The following STAT3 variants were observed in gnomAD, a reference collection of about 807,000 sequenced individuals.
STAT3 encodes the protein DNA-binding protein APRF.
A neutral mutation model predicts 114.3 loss-of-function variants in STAT3; 7 were observed. The observed-to-expected ratio is 0.06, with a 90% CI of 0.03 to 0.11. The LOEUF (loss-of-function observed/expected upper bound fraction) is 0.11. Ranked by LOEUF, STAT3 falls within the 10% of genes least tolerant of loss-of-function variation. The probability of loss-of-function intolerance (pLI) is 1.00; values close to 1 mark genes in which losing one functional copy is unlikely to be tolerated. For missense variants in STAT3, 364 were observed against 960.9 expected (o/e 0.38, Z 8.21); for synonymous variants, 331 against 354.5 (o/e 0.93, Z 0.74).
At position 42,333,222 on chromosome 17, in the gene STAT3, G is replaced by C. The variant is rs189088246; in HGVS notation, c.1049+451C>G. Among the ~76,000 whole-genome samples the C allele has an allele frequency of 6.5e-4, 99 of 152,086 alleles. No homozygotes were observed. Among genetic ancestry groups the C allele is most frequent in the Admixed American group, 3.5e-3 (53 of 15,254 alleles). ...GAGGAGGGAAATTTTGCTGCAGAAG[G>C]TCAAAACCCCAGCACACCTGTTCTG... On this transcript the variant is annotated intron_variant, in intron 10 of 23. Transcript: ENST00000264657. The surrounding 1 kb of genome is among the most constrained non-coding windows in gnomAD (Gnocchi z 5.2).
chr17:42,383,592 C>G (rs2084922069), intron 1 of STAT3, among the ~76,000 whole-genome samples: 1 of 152,198 alleles, frequency 6.6e-6, no homozygotes, highest in Non-Finnish European at 1.5e-5. Context: ...GCGCACTACA[C>G]TTTACGCTTA....
intron 1 of STAT3, among the ~76,000 whole-genome samples, chr17:42,358,278 A>C (rs1206275784): frequency 1.3e-5 from 2 of 151,992 alleles, no homozygotes; most frequent in African/African-American, 4.8e-5. Context: ...AAATTAGCCT[A>C]GCATGGTGGC....
intron 4 of STAT3, among the ~76,000 whole-genome samples, chr17:42,339,765 AAAAAGTCCT>A (rs973309940): frequency 6.6e-6 from 1 of 152,182 alleles, no homozygotes; most frequent in African/African-American, 2.4e-5. Flanking sequence ...GATAATAAAA[AAAAAGTCCT>A]GCCCTAGGGA....
chr17:42,325,768 T>G (rs1327147996), intron 15 of STAT3, among the ~76,000 whole-genome samples: 1 of 152,162 alleles, frequency 6.6e-6, no homozygotes, highest in Non-Finnish European at 1.5e-5. Context: ...TTCGTCATGT[T>G]GGCCAGGCTG....
chr17:42,370,087 C>T (rs532075876), intron 1 of STAT3, among the ~76,000 whole-genome samples: 3 of 151,568 alleles, frequency 2.0e-5, no homozygotes, highest in East Asian at 1.9e-4. Context: ...TCTCCTGCCT[C>T]GCCTCCCGAG....
intron 1 of STAT3, among the ~76,000 whole-genome samples, chr17:42,367,066 G>A (rs944949838): frequency 6.6e-6 from 1 of 151,102 alleles, no homozygotes; most frequent in Non-Finnish European, 1.5e-5. Context: ...TGCTTGAACC[G>A]GGGAGGCAGA....
At chr17:42,322,197 G>T in intron 21 of STAT3, 85 bp downstream of exon 21, 6 of 1,260,398 alleles carry the variant, frequency 4.8e-6, no homozygotes, top group Non-Finnish European at 6.9e-6. Context: ...GGTTATTCAG[G>T]CATTTGCCTA....
chr17:42,331,390 T>C, intron 11 of STAT3, 82 bp downstream of exon 11: 2 of 1,236,866 alleles, frequency 1.6e-6, no homozygotes, highest in Non-Finnish European at 2.3e-6. Flanking sequence ...AAAGACAGAG[T>C]CTCTAGTTCA....
intron 1 of STAT3, among the ~76,000 whole-genome samples, chr17:42,376,653 T>G (rs963443658): frequency 2.0e-5 from 3 of 151,796 alleles, no homozygotes; most frequent in Non-Finnish European, 4.4e-5. Flanking sequence ...GAGACCATCC[T>G]GGCTAACATG....
rs1356744230 is a variant in STAT3, at chr17:42,324,325, T to A, written c.1600+386A>T. On this transcript the variant is annotated intron_variant, in intron 17 of 23. Transcript: ENST00000264657. The surrounding 1 kb of genome is among the most constrained non-coding windows in gnomAD (Gnocchi z 4.5). ...CAGAGCAAGACTCGTCTCAAAAAAA[T>A]AAATAAATAAATAAAATAAGACAAA... Among the ~76,000 whole-genome samples the A allele has an allele frequency of 2.6e-5, 4 of 151,288 alleles. No homozygotes were observed. Among genetic ancestry groups the A allele is most frequent in the South Asian group, 2.1e-4 (1 of 4,800 alleles).
rs1053023 is a variant in STAT3 at position 42,313,598 on chromosome 17, T to C, written c.*2147A>G. On this transcript the variant is annotated 3_prime_UTR_variant, in exon 24 of 24. Coordinates refer to ENST00000264657, the MANE Select transcript of STAT3 (RefSeq NM_139276.3). The stretch of plus-strand genomic sequence containing the variant: ...AGGGCCTGAGGACCCTGTTCTTTAA[T>C]GGGCCACAACAGGGCTCAGCTCCTC... 0.25 allele frequency: 57,655 copies of C among 230,022 alleles called. 8,319 individuals are homozygous for C. Among genetic ancestry groups the C allele is most frequent in the African/African-American group, 0.41 (18,473 of 44,968 alleles). The allele number at this position is 230,022 out of a possible 1,614,324, so 14.2% of individuals were successfully genotyped here.
At chr17:42,346,929 C>T (rs2082723589) in intron 2 of STAT3, among the ~76,000 whole-genome samples, 1 of 152,066 alleles carries the variant, frequency 6.6e-6, no homozygotes, top group South Asian at 2.1e-4. Flanking sequence ...TGGCTCATGC[C>T]TGTAATCCCA....
chr17:42,385,659 A>C (rs1435825983), intron 1 of STAT3, among the ~76,000 whole-genome samples: 1 of 152,198 alleles, frequency 6.6e-6, no homozygotes, highest in African/African-American at 2.4e-5. Context: ...GTAGAGGCAG[A>C]GAAGTTAAAG....
chr17:42,342,432 G>A (rs551329055), intron 4 of STAT3, among the ~76,000 whole-genome samples: 2 of 151,712 alleles, frequency 1.3e-5, no homozygotes, highest in East Asian at 1.9e-4. Context: ...GCAGTGGGCC[G>A]AAATCGCGTC....
At chr17:42,370,041 G>T (rs373853984) in intron 1 of STAT3, among the ~76,000 whole-genome samples, 3 of 152,040 alleles carry the variant, frequency 2.0e-5, no homozygotes, top group Admixed American at 6.6e-5. Context: ...GCGAGATCTC[G>T]GTTCACTGTA....
At position 42,333,980 on chromosome 17, in the gene STAT3, T is replaced by C. The variant is rs1307390678; in HGVS notation, c.867A>G (p.Gln289=). The C allele has an allele frequency of 1.2e-6, 2 of 1,614,194 alleles. No homozygotes were observed. The highest frequency in any genetic ancestry group is 2.2e-5 in the East Asian group (1 of 44,892). ...TGGGGTCCCCTTTGTAGGAAACTTT[T>C]TGCTGCAACTCCTCCAGTTTCTTAA... ...QQIKKLEELQ[Q]KVSYKGDPIV... The change falls in exon 9 of 24, where the codon CAA becomes CAG. Residue 289 remains glutamine, a synonymous_variant. Transcript: ENST00000264657. This position sits in a 1 kb window ranked among gnomAD's most constrained non-coding sequence, Gnocchi z 5.2.
At chr17:42,339,269 AAAAT>A in intron 5 of STAT3, 41 bp downstream of exon 5, 1 of 1,599,238 alleles carries the variant, frequency 6.3e-7, no homozygotes, top group Non-Finnish European at 8.5e-7. Flanking sequence ...AAAAAAAAAA[AAAAT>A]TAATGAAAGC....
chr17:42,361,087 C>T (rs1041537996), intron 1 of STAT3, among the ~76,000 whole-genome samples: 4 of 152,162 alleles, frequency 2.6e-5, no homozygotes, highest in African/African-American at 7.2e-5. Flanking sequence ...CAGAGGTCTC[C>T]ACCCTGGCTG....
intron 15 of STAT3, 40 bp downstream of exon 15, chr17:42,326,076 C>A: frequency 1.3e-6 from 2 of 1,576,654 alleles, no homozygotes; most frequent in South Asian, 2.2e-5. Flanking sequence ...CTGAGTCACC[C>A]CTGTACGTAG....
Sources: gnomAD v4.1 joint callset for allele counts (sites outside exome capture counted in the v4.1 genomes callset) on GRCh38, gnomAD v4.1.1 for gene constraint, Gnocchi (gnomAD v3.1) non-coding constraint, MANE v1.5 for transcripts, NCBI Gene and HGNC (gene_info 2026-07-23, HGNC 2026-07-21) for gene names.